TMEM50A: variants seen among roughly 807,000 people sequenced by gnomAD.
TMEM50A encodes transmembrane protein 50A, also known as cervical cancer oncogene 9.
Under a neutral mutation model 23.9 loss-of-function variants are expected in TMEM50A, and 8 were observed. The observed-to-expected ratio is 0.33, with a 90% CI of 0.20 to 0.60. The LOEUF (loss-of-function observed/expected upper bound fraction) is 0.60, where lower values mean the gene tolerates loss of function less well. Ranked by LOEUF, TMEM50A falls within the 20% of genes least tolerant of loss-of-function variation. TMEM50A has a pLI of 0.81. For missense variants in TMEM50A, 178 were observed against 192.7 expected, an observed-to-expected ratio of 0.92 and a Z score of 0.45; for synonymous variants, 55 against 60.4, an observed-to-expected ratio of 0.91 and a Z score of 0.41.
intron 3 of TMEM50A, among the ~76,000 whole-genome samples, chr1:25,344,696 ATTGTTTTTTTTTGTTTTTTGTTTT>A (rs1645195774): frequency 1.4e-5 from 2 of 147,558 alleles, no homozygotes; most frequent in Admixed American, 6.7e-5. Flanking sequence ...AGAGTTTCTG[ATTGTTTTTTTTTGTTTTTTGTTTT>A]TTGTTTTTTT....
chr1:25,345,347 G>A (rs1050473090), intron 3 of TMEM50A, among the ~76,000 whole-genome samples: 2 of 152,138 alleles, frequency 1.3e-5, no homozygotes, highest in Non-Finnish European at 2.9e-5. Context: ...TTGGGAGGCC[G>A]AGGCAGGCAG....
intron 6 of TMEM50A, among the ~76,000 whole-genome samples, chr1:25,359,451 T>C (rs745798096): frequency 6.6e-6 from 1 of 151,908 alleles, no homozygotes; most frequent in Non-Finnish European, 1.5e-5. Context: ...CTGGGCCATA[T>C]TGGAAGAATT....
intron 3 of TMEM50A, among the ~76,000 whole-genome samples, chr1:25,345,782 G>T (rs537117209): frequency 9.4e-5 from 14 of 149,492 alleles, no homozygotes; most frequent in African/African-American, 3.5e-4. Flanking sequence ...ATTTTAGTTT[G>T]TTTATTTATT....
chr1:25,340,663 T>TA, intron 2 of TMEM50A, 84 bp downstream of exon 2: 2 of 992,094 alleles, frequency 2.0e-6, no homozygotes, highest in Non-Finnish European at 3.0e-6. Flanking sequence ...TTTTAAAATA[T>TA]GTACTATTTA....
intron 3 of TMEM50A, among the ~76,000 whole-genome samples, chr1:25,349,989 T>G (rs1645259889): frequency 6.6e-6 from 1 of 152,240 alleles, no homozygotes; most frequent in African/African-American, 2.4e-5. Flanking sequence ...CAAAGGATAC[T>G]TCTAAAGAAA....
Position 25,351,659 on chromosome 1 carries a change from T to C in TMEM50A, c.240T>C (p.Gly80=). Residue 80 remains glycine (G), a synonymous_variant, in exon 4 of 7, where the codon GGT becomes GGC. Coordinates refer to ENST00000374358, the MANE Select transcript of TMEM50A (RefSeq NM_014313.4). ...INAVSNGQVR[G]DSYSEGCLGQ... ...CAGTATCGAATGGACAAGTCCGAGG[T>C]GATAGTTACAGTGAAGGTTGTCTGG... 1 of 1,613,528 alleles carries C rather than the reference T, an allele frequency of 6.2e-7. No homozygotes were observed. The highest frequency in any genetic ancestry group is 1.3e-5 in the African/African-American group (1 of 75,010).
At position 25,351,693 on chromosome 1, in the gene TMEM50A, G is replaced by C; in HGVS notation, c.274G>C (p.Gly92Arg). The change falls in exon 4 of 7, where the codon GGT becomes CGT. Residue 92 changes from glycine (G) to arginine (R), a missense_variant and splice_region_variant. Physicochemically the swap from Gly to Arg is moderately radical, Grantham distance 125. Coordinates refer to ENST00000374358, the MANE Select transcript of TMEM50A (RefSeq NM_014313.4). The stretch of plus-strand genomic sequence containing the variant: ...CAGTGAAGGTTGTCTGGGTCAAACA[G>C]GTAAATAGGTGCAAACAGCATCTTA... ...SYSEGCLGQT[G>R]ARIWLFVGFM... 6.2e-7 allele frequency: 1 copy of C among 1,612,102 alleles called. No individual in the cohort carries two copies. The highest frequency in any genetic ancestry group is 1.1e-5 in the South Asian group (1 of 90,594).
At chr1:25,345,570 ACT>A (rs1429579503) in intron 3 of TMEM50A, among the ~76,000 whole-genome samples, 3 of 150,902 alleles carry the variant, frequency 2.0e-5, no homozygotes, top group African/African-American at 7.3e-5. Context: ...ACAGAGTGAG[ACT>A]CTGTCTCAAA....
At chr1:25,358,482 T>C (rs1347066989) in intron 6 of TMEM50A, among the ~76,000 whole-genome samples, 1 of 152,206 alleles carries the variant, frequency 6.6e-6, no homozygotes, top group Admixed American at 6.5e-5. Flanking sequence ...AAAAATCCCA[T>C]GTTTACTGAA....
At chr1:25,359,828 C>A (rs3093640) in intron 6 of TMEM50A, among the ~76,000 whole-genome samples, 1,547 of 152,252 alleles carry the variant, frequency 0.01, 28 homozygotes, top group African/African-American at 0.035. Context: ...TCCACAAAAG[C>A]CCATCTCACA....
At chr1:25,355,742 A>G (rs187314258) in intron 5 of TMEM50A, among the ~76,000 whole-genome samples, 1 of 152,378 alleles carries the variant, frequency 6.6e-6, no homozygotes, top group Admixed American at 6.5e-5. Context: ...TCTGTCAATG[A>G]GCAGTCATTA....
intron 2 of TMEM50A, 101 bp downstream of exon 2, chr1:25,340,680 C>G: frequency 1.4e-6 from 1 of 709,134 alleles, no homozygotes; most frequent in Non-Finnish European, 2.2e-6. Flanking sequence ...TTTATTTTAT[C>G]TTTGACCACT....
chr1:25,357,588 CAG>C (rs1404403794), intron 6 of TMEM50A, among the ~76,000 whole-genome samples: 5 of 138,044 alleles, frequency 3.6e-5, no homozygotes, highest in Admixed American at 7.2e-5. Flanking sequence ...TGTTTTGAGA[CAG>C]AGTCTCAGTC....
intron 2 of TMEM50A, among the ~76,000 whole-genome samples, chr1:25,341,513 T>C (rs555718880): frequency 6.6e-6 from 1 of 152,266 alleles, no homozygotes; most frequent in African/African-American, 2.4e-5. Context: ...TGCAAAGTGC[T>C]GGAATTACAG....
chr1:25,356,923 ATATTTAGTTGCC>A, intron 6 of TMEM50A, 70 bp downstream of exon 6: 1 of 1,175,538 alleles, frequency 8.5e-7, no homozygotes, highest in Non-Finnish European at 1.2e-6. Context: ...ATCATTTTCT[ATATTTAGTTGCC>A]TAATTACTCA....
At chr1:25,358,020 TC>T (rs1645354059) in intron 6 of TMEM50A, among the ~76,000 whole-genome samples, 1 of 149,410 alleles carries the variant, frequency 6.7e-6, no homozygotes, top group African/African-American at 2.5e-5. Flanking sequence ...TGATCTTGGC[TC>T]CCTGCAAACT....
intron 3 of TMEM50A, among the ~76,000 whole-genome samples, chr1:25,347,019 A>AAAAC (rs74815985): frequency 0.018 from 2,808 of 152,158 alleles, 52 homozygotes; most frequent in Admixed American, 0.032. Context: ...ACTCTGTCTC[A>AAAAC]AAACAAACAA....
chr1:25,357,700 C>T (rs564333056), intron 6 of TMEM50A, among the ~76,000 whole-genome samples: 23 of 151,516 alleles, frequency 1.5e-4, no homozygotes, highest in South Asian at 2.1e-4. Flanking sequence ...TGCAGTGGCA[C>T]GATCTCAGCT....
chr1:25,340,860 T>G (rs1571795355), intron 2 of TMEM50A, among the ~76,000 whole-genome samples: 1 of 152,178 alleles, frequency 6.6e-6, no homozygotes, highest in African/African-American at 2.4e-5. Flanking sequence ...AATGAGTATA[T>G]TAAGGTACAA....
Sources: gnomAD v4.1 joint callset for allele counts (sites outside exome capture counted in the v4.1 genomes callset) on GRCh38, gnomAD v4.1.1 for gene constraint, MANE v1.5 for transcripts, NCBI Gene and HGNC (gene_info 2026-07-23, HGNC 2026-07-21) for gene names.